DDX27: variants seen among roughly 807,000 people sequenced by gnomAD.
DDX27 encodes DEAD-box helicase 27.
A neutral mutation model predicts 99.3 loss-of-function variants in DDX27; 42 were observed. The ratio of observed to expected loss-of-function variants is 0.42; its 90% CI spans 0.33 to 0.55. The LOEUF (loss-of-function observed/expected upper bound fraction) is 0.55, where lower values mean the gene tolerates loss of function less well. Among genes scored for constraint, DDX27 ranks in the 20% least tolerant of loss-of-function variants. The probability of loss-of-function intolerance (pLI) is 0.07; values close to 1 mark genes in which losing one functional copy is unlikely to be tolerated. For missense variants in DDX27, 798 were observed against 976.8 expected, an observed-to-expected ratio of 0.82 and a Z score of 2.44; for synonymous variants, 329 against 353.8, an observed-to-expected ratio of 0.93 and a Z score of 0.79.
At chr20:49,230,381 G>A in intron 9 of DDX27, 32 bp downstream of exon 9, 3 of 1,588,322 alleles carry the variant, frequency 1.9e-6, no homozygotes, top group Non-Finnish European at 2.6e-6. Flanking sequence ...CCAGGGCACT[G>A]TGGGGTTCCA....
At chr20:49,223,532 C>T in intron 4 of DDX27, 99 bp downstream of exon 4, 1 of 1,103,384 alleles carries the variant, frequency 9.1e-7, no homozygotes, top group Non-Finnish European at 1.3e-6. Context: ...CACAGTTTAT[C>T]TTTAAGCTGT....
In DDX27 at chr20:49,223,007, G is replaced by T. The variant is rs772845103; in HGVS notation, c.291G>T (p.Arg97Ser). 1 of 1,613,168 alleles carries T rather than the reference G, an allele frequency of 6.2e-7. No homozygotes were observed. The highest frequency in any genetic ancestry group is 1.7e-5 in the Admixed American group (1 of 59,876). The change falls in exon 3 of 21, where the codon AGG becomes AGT. Residue 97 changes from arginine to serine, a missense_variant. Physicochemically the swap from Arg to Ser is moderately radical, Grantham distance 110 (BLOSUM62 -1). Coordinates refer to ENST00000618172, the MANE Select transcript of DDX27 (RefSeq NM_017895.8). ...AGATTGAGAAAGTTCGAAAGAAAAG[G>T]AAAACAGAGGTGAGAAGAAAAGTGG... is the stretch of plus-strand genomic sequence containing the variant. ...DEKIEKVRKK[R>S]KTEDKEAKSG...
Position 49,236,418 on chromosome 20 carries a change from C to CA in DDX27, c.1596dup (p.Val533SerfsTer8). 1 of 1,613,134 alleles carries CA rather than the reference C, an allele frequency of 6.2e-7. No individual in the cohort carries two copies. Among genetic ancestry groups the CA allele is most frequent in the Non-Finnish European group, 8.5e-7 (1 of 1,179,616 alleles). ...GCACGTGCTGGCAGGGCTGGGCGCT[C>CA]AGTCTCTCTGGTGGGAGAAGATGAG... On this transcript the variant is annotated frameshift_variant, in exon 14 of 21. Transcript: ENST00000618172. LOFTEE classifies it high-confidence loss of function. This position sits in a 1 kb window ranked among gnomAD's most constrained non-coding sequence, Gnocchi z 4.1.
intron 20 of DDX27, 35 bp from the exon 21 acceptor site, chr20:49,243,780 AT>A: frequency 6.2e-7 from 1 of 1,614,236 alleles, no homozygotes; most frequent in South Asian, 1.1e-5. Context: ...AAGCTTCTCC[AT>A]CCTCATTCTG....
intron 14 of DDX27, chr20:49,238,467 A>ATTT: frequency 2.8e-5 from 4 of 144,128 alleles, no homozygotes; most frequent in East Asian, 4.2e-4. Flanking sequence ...ATGATGGCTA[A>ATTT]TTTTTTTTTT....
chr20:49,233,417 G>A lies in DDX27; in HGVS notation c.1131+12G>A, dbSNP rs747296342. The A allele has an allele frequency of 1.9e-6, 3 of 1,613,374 alleles. No individual in the cohort carries two copies. In the South Asian group the frequency reaches 3.3e-5, roughly 18 times the overall value. On this transcript the variant is annotated intron_variant, in intron 10 of 20. Coordinates refer to ENST00000618172, the MANE Select transcript of DDX27 (RefSeq NM_017895.8). The stretch of plus-strand genomic sequence containing the variant: ...CCATGACAGACGAGGTGGGCCGAGG[G>A]ACTTCTCTGTGGCGGGTGGCAGGTG...
chr20:49,220,591 C>T (rs539558171), intron 1 of DDX27, among the ~76,000 whole-genome samples: 1 of 151,910 alleles, frequency 6.6e-6, no homozygotes, highest in South Asian at 2.1e-4. Context: ...ACACTGTCGC[C>T]ATTTCCCCGA....
chr20:49,230,090 T>C, intron 8 of DDX27, 109 bp from the exon 9 acceptor site: 2 of 1,261,580 alleles, frequency 1.6e-6, no homozygotes, highest in Middle Eastern at 2.2e-4. Context: ...TCTTACTCTC[T>C]CAGTGGTTTT....
At chr20:49,241,658 G>A (rs539610062) in intron 16 of DDX27, among the ~76,000 whole-genome samples, 13 of 151,682 alleles carry the variant, frequency 8.6e-5, no homozygotes, top group African/African-American at 3.1e-4. Context: ...TTTAGTAGTC[G>A]GGGTTTCACC....
In DDX27 at chr20:49,236,107, G is replaced by A. The variant is rs1980296850; in HGVS notation, c.1428-43G>A. 4 of 1,559,848 alleles carry A rather than the reference G, an allele frequency of 2.6e-6. No homozygotes were observed. On this transcript the variant is annotated intron_variant, in intron 12 of 20. Coordinates refer to ENST00000618172, the MANE Select transcript of DDX27 (RefSeq NM_017895.8). This position sits in a 1 kb window ranked among gnomAD's most constrained non-coding sequence, Gnocchi z 4.1. Reference sequence around the variant, plus strand: ...CTCAGGCTCTTGTGGAGCATTATTAGGGGAGGGTGTCTGGATGAACAGCTG... The same window carrying A: ...CTCAGGCTCTTGTGGAGCATTATTAAGGGAGGGTGTCTGGATGAACAGCTG...
At position 49,225,204 on chromosome 20, in the gene DDX27, C is replaced by T. The variant is rs1269032983; in HGVS notation, c.600+5C>T. The T allele has an allele frequency of 1.2e-6, 2 of 1,612,808 alleles. No homozygotes were observed. The highest frequency in any genetic ancestry group is 2.7e-5 in the African/African-American group (2 of 74,872). ...CTTTCCCGCCCTCTTCTGAAGGTAG[C>T]AGCTTCTTGTCAAAAATTTTCTTTG... On this transcript the variant is annotated splice_donor_5th_base_variant and intron_variant, in intron 6 of 20. Transcript: ENST00000618172.
At chr20:49,224,311 C>T (rs1979796544) in intron 4 of DDX27, among the ~76,000 whole-genome samples, 1 of 151,716 alleles carries the variant, frequency 6.6e-6, no homozygotes, top group South Asian at 2.1e-4. Flanking sequence ...TTTGGGGTGA[C>T]ATACTCAGAT....
chr20:49,225,243 T>C (rs759638589), intron 6 of DDX27, 44 bp downstream of exon 6: 2 of 1,463,150 alleles, frequency 1.4e-6, no homozygotes, highest in Non-Finnish European at 1.9e-6. Flanking sequence ...AAGCATGGTC[T>C]TGCTATGTTG....
At position 49,219,418 on chromosome 20, in the gene DDX27, G is replaced by A. The variant is rs768195835; in HGVS notation, c.-31G>A. The A allele has an allele frequency of 1.9e-6, 3 of 1,613,914 alleles. No homozygotes were observed. Among genetic ancestry groups the A allele is most frequent in the East Asian group, 2.2e-5 (1 of 44,874 alleles). ...AGTTAAGGGCCGGACCGCAGGCTGT[G>A]CTCGCTTCCGGAAGTGGCTTCTGCG... On this transcript the variant is annotated 5_prime_UTR_variant, in exon 1 of 21. Transcript: ENST00000618172.
At chr20:49,219,854 G>A (rs1979575303) in intron 1 of DDX27, among the ~76,000 whole-genome samples, 1 of 152,134 alleles carries the variant, frequency 6.6e-6, no homozygotes, top group African/African-American at 2.4e-5. Flanking sequence ...AGTCAGCCAT[G>A]GTTCCTGCTC....
In DDX27 at chr20:49,241,970, A is replaced by G. The variant is rs1201403811; in HGVS notation, c.1975A>G (p.Lys659Glu). ...KRKKFMKDAKKKGEMTAEERS... is the reference protein window; with the variant it reads ...KRKKFMKDAKEKGEMTAEERS... ...GAAGAAGTTTATGAAGGATGCCAAA[A>G]AAAAGGGGGAGATGACAGTGAGTGG... The change falls in exon 17 of 21, where the codon AAA becomes GAA. Residue 659 changes from lysine (K) to glutamate (E), a missense_variant. This residue lies in a region of DDX27 where 553 missense variants were observed against 727.9 expected (regional missense o/e 0.76). Transcript: ENST00000618172. 6.2e-7 allele frequency: 1 copy of G among 1,613,532 alleles called. No individual in the cohort carries two copies. The highest frequency in any genetic ancestry group is 2.2e-5 in the East Asian group (1 of 44,878).
At position 49,219,464 on chromosome 20, in the gene DDX27, G is replaced by C; in HGVS notation, c.16G>C (p.Gly6Arg). ...CTGCGACAACATGCTTGCGGACCTC[G>C]GCTTAATCGGAACCATAGGCGAGGA... MLADLGLIGTIGEDDE... is the reference protein window; with the variant it reads MLADLRLIGTIGEDDE... The change falls in exon 1 of 21, where the codon GGC (glycine) becomes CGC (arginine). Residue 6 changes from glycine to arginine, a missense_variant. Coordinates refer to ENST00000618172, the MANE Select transcript of DDX27 (RefSeq NM_017895.8). 6.2e-7 allele frequency: 1 copy of C among 1,614,076 alleles called. No individual in the cohort carries two copies. The highest frequency in any genetic ancestry group is 8.5e-7 in the Non-Finnish European group (1 of 1,179,998).
chr20:49,224,832 A>G, intron 4 of DDX27, 113 bp from the exon 5 acceptor site: 1 of 1,147,750 alleles, frequency 8.7e-7, no homozygotes, highest in Non-Finnish European at 1.3e-6. Context: ...AAGGTTGACG[A>G]TGGTCACCCC....
intron 9 of DDX27, among the ~76,000 whole-genome samples, chr20:49,230,781 T>A (rs2146713187): frequency 6.6e-6 from 1 of 151,618 alleles, no homozygotes; most frequent in East Asian, 2.0e-4. Flanking sequence ...GCCCCCCAGC[T>A]CTCTGTTCCT....
Sources: allele counts gnomAD v4.1 joint callset (sites outside exome capture counted in the v4.1 genomes callset), GRCh38; gene constraint gnomAD v4.1.1; regional missense constraint gnomAD v4.1.1; non-coding constraint Gnocchi (gnomAD v3.1); transcripts MANE v1.5; gene names NCBI Gene and HGNC (gene_info 2026-07-23, HGNC 2026-07-21).